Variants in NRP2 observed in about 807,000 individuals in gnomAD.
NRP2 encodes neuropilin 2, also known as neuropilin-2.
NRP2 carries 52 observed loss-of-function variants against 110.4 expected under a neutral mutation model. The observed-to-expected ratio is 0.47, with a 90% CI of 0.38 to 0.59. The LOEUF is 0.59. NRP2 is among the 20% of genes least tolerant of loss of function. The probability of loss-of-function intolerance (pLI) is 0.00; values close to 1 mark genes in which losing one functional copy is unlikely to be tolerated. For missense variants in NRP2, 1,049 were observed against 1,203.0 expected, an observed-to-expected ratio of 0.87 and a Z score of 1.89; for synonymous variants, 508 against 468.9, an observed-to-expected ratio of 1.08 and a Z score of -1.08.
At chr2:205,732,958 G>A (rs2057269461) in intron 7 of NRP2, among the ~76,000 whole-genome samples, 1 of 152,050 alleles carries the variant, frequency 6.6e-6, no homozygotes. Flanking sequence ...AATATGAGAT[G>A]AGGACAATAC....
At chr2:205,766,913 A>G (rs938197205) in intron 15 of NRP2, 110 bp downstream of exon 15, 14 of 955,130 alleles carry the variant, frequency 1.5e-5, no homozygotes, top group Non-Finnish European at 2.1e-5. Flanking sequence ...CAAATCTCGC[A>G]AGAGAAAAGA....
chr2:205,688,486 A>AT lies in NRP2; in HGVS notation c.73+5124dup, dbSNP rs555023894. ...TTGATGAGAAATGGTCAGAGGCTTA[A>AT]TGGTTTCATTGCCTAACAGGATTCA... On this transcript the variant is annotated intron_variant, in intron 1 of 16. Coordinates refer to ENST00000357785, the MANE Select transcript of NRP2 (RefSeq NM_003872.3). Among the ~76,000 whole-genome samples, 713 of 152,314 alleles carry AT rather than the reference A, an allele frequency of 4.7e-3. 2 individuals carry two copies. Among genetic ancestry groups the AT allele is most frequent in the Non-Finnish European group, 8.2e-3 (555 of 68,022 alleles).
chr2:205,794,101 ATTAT>A (rs963871972), intron 16 of NRP2, among the ~76,000 whole-genome samples: 1 of 152,074 alleles, frequency 6.6e-6, no homozygotes, highest in African/African-American at 2.4e-5. Flanking sequence ...TGTAAGTCAA[ATTAT>A]TTATTTATTT....
intron 3 of NRP2, 37 bp downstream of exon 3, chr2:205,716,411 G>A (rs376188302): frequency 6.2e-7 from 1 of 1,608,640 alleles, no homozygotes; most frequent in Non-Finnish European, 8.5e-7. Context: ...GGAGATGGGC[G>A]TCTTAGAGAA....
intron 12 of NRP2, chr2:205,756,425 A>C (rs1294022340): frequency 6.6e-6 from 1 of 152,210 alleles, no homozygotes; most frequent in Non-Finnish European, 1.5e-5. Flanking sequence ...ACCGAGACAA[A>C]AACTCATAGG....
intron 7 of NRP2, among the ~76,000 whole-genome samples, chr2:205,729,678 G>A (rs925103232): frequency 6.6e-6 from 1 of 152,152 alleles, no homozygotes; most frequent in Non-Finnish European, 1.5e-5. Context: ...GATGGACCAG[G>A]ATGCTATTTA....
intron 1 of NRP2, among the ~76,000 whole-genome samples, chr2:205,696,907 A>G (rs914287386): frequency 2.0e-5 from 3 of 152,160 alleles, no homozygotes; most frequent in Non-Finnish European, 4.4e-5. Context: ...TGTGGTATAT[A>G]TGGAATTAAA....
chr2:205,713,297 T>TA (rs903251334), intron 2 of NRP2, among the ~76,000 whole-genome samples: 53 of 151,744 alleles, frequency 3.5e-4, no homozygotes, highest in African/African-American at 1.2e-3. Context: ...GGTGAAGCTT[T>TA]AAAAAAAAAG....
At chr2:205,742,579 G>A (rs561647664) in intron 8 of NRP2, among the ~76,000 whole-genome samples, 4 of 152,198 alleles carry the variant, frequency 2.6e-5, no homozygotes, top group African/African-American at 2.4e-5. Flanking sequence ...GGGGTAATGG[G>A]AACAGCATGT....
At chr2:205,689,155 A>C (rs915187395) in intron 1 of NRP2, among the ~76,000 whole-genome samples, 3 of 152,206 alleles carry the variant, frequency 2.0e-5, no homozygotes, top group Admixed American at 2.0e-4. Flanking sequence ...TCTTTCCCTA[A>C]ATGCTACCAA....
intron 7 of NRP2, among the ~76,000 whole-genome samples, chr2:205,734,399 G>GCCCCCCCCC (rs201261642): frequency 5.5e-5 from 5 of 90,478 alleles, no homozygotes; most frequent in Non-Finnish European, 9.3e-5. Context: ...ATTTCCCACC[G>GCCCCCCCCC]CCCCCCCCCA....
At chr2:205,685,379 G>C (rs1240834102) in intron 1 of NRP2, among the ~76,000 whole-genome samples, 2 of 150,094 alleles carry the variant, frequency 1.3e-5, no homozygotes, top group Non-Finnish European at 3.0e-5. Context: ...GGCACCCTGG[G>C]AGCCGGCAGC....
At chr2:205,715,206 G>C (rs181186278) in intron 2 of NRP2, among the ~76,000 whole-genome samples, 1 of 152,304 alleles carries the variant, frequency 6.6e-6, no homozygotes, top group East Asian at 1.9e-4. Context: ...AGCACAGTGA[G>C]GACTGCCAGA....
chr2:205,777,058 T>C, intron 15 of NRP2: 1 of 998,982 alleles, frequency 1.0e-6, no homozygotes, highest in Non-Finnish European at 1.2e-6. Context: ...CTTTAACTCT[T>C]ATGTTACTTC....
At chr2:205,771,928 G>T (rs527616867) in intron 15 of NRP2, among the ~76,000 whole-genome samples, 26 of 152,350 alleles carry the variant, frequency 1.7e-4, no homozygotes, top group Admixed American at 1.2e-3. Flanking sequence ...ACACAAACAG[G>T]CAGTGGGCTG....
chr2:205,783,284 G>T (rs2058197810), intron 15 of NRP2, among the ~76,000 whole-genome samples: 2 of 152,106 alleles, frequency 1.3e-5, no homozygotes, highest in African/African-American at 4.8e-5. Flanking sequence ...AGCTGTGGTG[G>T]CTGTGTCACT....
intron 14 of NRP2, among the ~76,000 whole-genome samples, chr2:205,766,434 C>T (rs1421663769): frequency 1.3e-5 from 2 of 152,204 alleles, no homozygotes; most frequent in Non-Finnish European, 2.9e-5. Context: ...ACCCCAGTCC[C>T]TCCGGGCAAC....
At chr2:205,723,992 G>A in intron 5 of NRP2, 52 bp downstream of exon 5, 3 of 1,602,912 alleles carry the variant, frequency 1.9e-6, no homozygotes, top group Non-Finnish European at 2.6e-6. Context: ...AGGGCTGTGA[G>A]GGTGTACAGG....
intron 15 of NRP2, among the ~76,000 whole-genome samples, chr2:205,773,566 C>T (rs957365822): frequency 3.9e-5 from 6 of 152,140 alleles, no homozygotes; most frequent in Non-Finnish European, 8.8e-5. Flanking sequence ...TCAAGTAGAG[C>T]AGGATTCTGA....
Sources: gnomAD v4.1 joint callset for allele counts (sites outside exome capture counted in the v4.1 genomes callset) on GRCh38, gnomAD v4.1.1 for gene constraint, MANE v1.5 for transcripts, NCBI Gene and HGNC (gene_info 2026-07-23, HGNC 2026-07-21) for gene names.